Variants in SLC6A11 observed in about 807,000 individuals in gnomAD.
SLC6A11 encodes the protein solute carrier family 6 member 11.
In SLC6A11, 25 loss-of-function variants were observed where a neutral mutation model predicts 74.8. The ratio of observed to expected loss-of-function variants is 0.33; its 90% CI spans 0.24 to 0.47. The LOEUF (loss-of-function observed/expected upper bound fraction) is 0.47, where lower values mean the gene tolerates loss of function less well. SLC6A11 is among the 20% of genes least tolerant of loss of function. The pLI is 1.00. For missense variants in SLC6A11, 574 were observed against 837.0 expected (o/e 0.69, Z 3.88); for synonymous variants, 330 against 330.2 (o/e 1.00, Z 0.01).
intron 6 of SLC6A11, among the ~76,000 whole-genome samples, chr3:10,882,474 C>A (rs1457588955): frequency 6.6e-6 from 1 of 152,188 alleles, no homozygotes; most frequent in African/African-American, 2.4e-5. Flanking sequence ...CACCGTTCTC[C>A]ACCCACTAGG....
At chr3:10,824,744 G>C (rs752741757) in intron 4 of SLC6A11, 2 of 152,160 alleles carry the variant, frequency 1.3e-5, no homozygotes, top group Non-Finnish European at 2.9e-5. Flanking sequence ...TGGTCCTCTT[G>C]ATGGGCATTT....
chr3:10,866,166 A>G (rs1216566917), intron 5 of SLC6A11, among the ~76,000 whole-genome samples: 1 of 152,198 alleles, frequency 6.6e-6, no homozygotes, highest in East Asian at 1.9e-4. Flanking sequence ...ACATGGCCTA[A>G]GATGGCCCAA....
intron 6 of SLC6A11, among the ~76,000 whole-genome samples, chr3:10,900,623 G>T (rs1285723992): frequency 6.6e-6 from 1 of 152,198 alleles, no homozygotes; most frequent in Non-Finnish European, 1.5e-5. Context: ...TCCAGGGCAT[G>T]GAGCACCCAG....
intron 5 of SLC6A11, among the ~76,000 whole-genome samples, chr3:10,873,735 GTCCCGTC>G (rs1694869732): frequency 1.5e-5 from 1 of 64,826 alleles, no homozygotes; most frequent in African/African-American, 6.6e-5. Context: ...ATCCTATCCC[GTCCCGTC>G]CCATGCTATC....
At chr3:10,834,613 G>A (rs570062217) in intron 4 of SLC6A11, among the ~76,000 whole-genome samples, 5 of 152,190 alleles carry the variant, frequency 3.3e-5, no homozygotes, top group Admixed American at 2.6e-4. Flanking sequence ...CTCCAGGGTC[G>A]CACATGCACA....
intron 5 of SLC6A11, among the ~76,000 whole-genome samples, chr3:10,874,173 T>C (rs570560321): frequency 9.2e-5 from 14 of 152,374 alleles, no homozygotes; most frequent in South Asian, 6.2e-4. Context: ...TAGAAGATCA[T>C]GGCCAGCTTA....
At chr3:10,891,567 G>A (rs1016753105) in intron 6 of SLC6A11, among the ~76,000 whole-genome samples, 18 of 151,958 alleles carry the variant, frequency 1.2e-4, no homozygotes, top group African/African-American at 3.4e-4. Flanking sequence ...AAGGTATTTG[G>A]CAAAGAACTC....
chr3:10,875,837 C>T (rs1306803916), intron 6 of SLC6A11, among the ~76,000 whole-genome samples: 2 of 152,190 alleles, frequency 1.3e-5, no homozygotes, highest in African/African-American at 4.8e-5. Context: ...AGCTACACGT[C>T]AGAAACTCTT....
intron 8 of SLC6A11, among the ~76,000 whole-genome samples, chr3:10,921,239 TG>T (rs1181459875): frequency 6.6e-6 from 1 of 152,234 alleles, no homozygotes; most frequent in African/African-American, 2.4e-5. Context: ...AGTTGGGTCT[TG>T]CTTCTTTATC....
At chr3:10,838,498 C>T (rs139507000) in intron 4 of SLC6A11, among the ~76,000 whole-genome samples, 1 of 152,218 alleles carries the variant, frequency 6.6e-6, no homozygotes, top group African/African-American at 2.4e-5. Flanking sequence ...CTTGTAATCT[C>T]AGCACTTTGG....
chr3:10,920,561 G>T (rs901032), intron 8 of SLC6A11, among the ~76,000 whole-genome samples: 2,584 of 152,278 alleles, frequency 0.017, 86 homozygotes, highest in East Asian at 0.16. Flanking sequence ...TTGTCAGGCC[G>T]TAAGATAGTT....
intron 10 of SLC6A11, among the ~76,000 whole-genome samples, chr3:10,929,557 G>A (rs1430391529): frequency 6.6e-6 from 1 of 152,168 alleles, no homozygotes; most frequent in East Asian, 1.9e-4. Context: ...AAAGGCCGCG[G>A]CTGTTATTCA....
chr3:10,893,683 C>T (rs772497185), intron 6 of SLC6A11, among the ~76,000 whole-genome samples: 2 of 152,114 alleles, frequency 1.3e-5, no homozygotes. Flanking sequence ...CTCCAGTTCC[C>T]ACTGTGGGAC....
chr3:10,918,347 T>G lies in SLC6A11; in HGVS notation c.1014T>G (p.Cys338Trp), dbSNP rs1345871226. The change falls in exon 8 of 14, where the codon TGT becomes TGG. Residue 338 changes from cysteine to tryptophan, a missense_variant. Cys to Trp is a radical substitution (Grantham distance 215). Transcript: ENST00000254488. This position sits in a 1 kb window ranked among gnomAD's most constrained non-coding sequence, Gnocchi z 4.5. ...CCCACAGGGACTGCATCATGCTCTG[T>G]TGCCTGAACAGCGGCACCAGCTTCG... ...NNCYRDCIML[C>W]CLNSGTSFVA... is the part of the protein sequence containing the mutation. 6.2e-7 allele frequency: 1 copy of G among 1,605,762 alleles called. No individual in the cohort carries two copies. The highest frequency in any genetic ancestry group is 2.3e-5 in the East Asian group (1 of 43,730).
chr3:10,856,433 C>T (rs1332590945), intron 5 of SLC6A11, among the ~76,000 whole-genome samples: 3 of 152,366 alleles, frequency 2.0e-5, no homozygotes, highest in East Asian at 3.9e-4. Flanking sequence ...GGCCTGGGCC[C>T]TCCACTTTCA....
intron 6 of SLC6A11, among the ~76,000 whole-genome samples, chr3:10,907,226 A>G (rs939352561): frequency 1.3e-5 from 2 of 152,218 alleles, no homozygotes; most frequent in African/African-American, 4.8e-5. Flanking sequence ...AGGACAACTT[A>G]CAAAAGAAAA....
chr3:10,884,084 T>G (rs1316395007), intron 6 of SLC6A11, among the ~76,000 whole-genome samples: 1 of 152,204 alleles, frequency 6.6e-6, no homozygotes, highest in Non-Finnish European at 1.5e-5. Context: ...CTGACAGGTG[T>G]ACTCCTTCCA....
intron 5 of SLC6A11, among the ~76,000 whole-genome samples, chr3:10,846,010 G>A (rs1283630866): frequency 6.6e-6 from 1 of 152,152 alleles, no homozygotes; most frequent in Non-Finnish European, 1.5e-5. Context: ...ACTTCTCTGA[G>A]CCTCACTTTC....
chr3:10,897,125 G>T (rs1260535113), intron 6 of SLC6A11, among the ~76,000 whole-genome samples: 1 of 152,102 alleles, frequency 6.6e-6, no homozygotes, highest in Non-Finnish European at 1.5e-5. Context: ...TGGGGGAACT[G>T]CCCCCATGAT....
Sources: allele counts gnomAD v4.1 joint callset (sites outside exome capture counted in the v4.1 genomes callset), GRCh38; gene constraint gnomAD v4.1.1; non-coding constraint Gnocchi (gnomAD v3.1); transcripts MANE v1.5; gene names NCBI Gene and HGNC (gene_info 2026-07-23, HGNC 2026-07-21).